ERG: variants seen among roughly 807,000 people sequenced by gnomAD.
ERG encodes ETS transcription factor ERG, also known as transcriptional regulator ERG.
A neutral mutation model predicts 55.3 loss-of-function variants in ERG; 9 were observed. The observed-to-expected ratio is 0.16, with a 90% confidence interval of 0.10 to 0.28. The LOEUF is 0.28. ERG is among the 10% of genes least tolerant of loss of function. The pLI is 1.00. For missense variants in ERG, 434 were observed against 631.6 expected, an observed-to-expected ratio of 0.69 and a Z score of 3.35; for synonymous variants, 223 against 237.3, an observed-to-expected ratio of 0.94 and a Z score of 0.55.
rs975923568 is a variant in ERG, at chr21:38,382,343, G to T, written c.*1060C>A. On this transcript the variant is annotated 3_prime_UTR_variant, in exon 10 of 10. Transcript: ENST00000288319. ...CAAAATGCCTGCGTGATTTCTGATT[G>T]TGGCAGCCAAGAAGGCCATCTCTTA... The T allele has an allele frequency of 3.8e-6, 4 of 1,058,692 alleles. No homozygotes were observed. The highest frequency in any genetic ancestry group is 5.4e-5 in the Admixed American group (1 of 18,478). The allele number at this position is 1,058,692 out of a possible 1,614,324, so 65.6% of individuals were successfully genotyped here.
At chr21:38,546,385 A>G (rs996455261) in intron 2 of ERG, among the ~76,000 whole-genome samples, 5 of 152,136 alleles carry the variant, frequency 3.3e-5, no homozygotes, top group Non-Finnish European at 7.4e-5. Flanking sequence ...GTGCCACTCT[A>G]GCACGCCCAC....
intron 2 of ERG, among the ~76,000 whole-genome samples, chr21:38,553,015 C>G (rs1282845850): frequency 6.7e-6 from 1 of 150,062 alleles, no homozygotes; most frequent in African/African-American, 2.4e-5. Flanking sequence ...AATCAATGTA[C>G]AAAAATCAGT....
intron 2 of ERG, among the ~76,000 whole-genome samples, chr21:38,429,206 T>C (rs1989989015): frequency 6.6e-6 from 1 of 152,012 alleles, no homozygotes; most frequent in South Asian, 2.1e-4. Context: ...TTGCTGCAAA[T>C]GCCATTTTCT....
At chr21:38,429,487 G>A (rs28883390) in intron 2 of ERG, among the ~76,000 whole-genome samples, 21,844 of 24,320 alleles carry the variant, frequency 0.9, 9,951 homozygotes, top group East Asian at 0.96. Flanking sequence ...ATACATGTAT[G>A]CACATGTACA....
chr21:38,422,251 T>C (rs1989581444), intron 3 of ERG, among the ~76,000 whole-genome samples: 1 of 152,220 alleles, frequency 6.6e-6, no homozygotes, highest in Non-Finnish European at 1.5e-5. Context: ...TGACGCCAAA[T>C]TCAAATCCCT....
intron 2 of ERG, among the ~76,000 whole-genome samples, chr21:38,544,406 G>A (rs571802663): frequency 1.3e-5 from 2 of 152,292 alleles, no homozygotes; most frequent in East Asian, 3.9e-4. Context: ...AATTAGGAAA[G>A]CAGAGTCATG....
At chr21:38,461,753 G>C (rs1326151604) in intron 1 of ERG, among the ~76,000 whole-genome samples, 1 of 152,184 alleles carries the variant, frequency 6.6e-6, no homozygotes, top group East Asian at 1.9e-4. Context: ...GGAAAATAGA[G>C]TTACTTTTCA....
At chr21:38,590,207 T>C (rs933345824) in intron 1 of ERG, among the ~76,000 whole-genome samples, 9 of 151,978 alleles carry the variant, frequency 5.9e-5, no homozygotes, top group African/African-American at 2.2e-4. Context: ...TGATGAGAGG[T>C]TATACTTTAA....
chr21:38,419,275 G>A (rs1395816771), intron 3 of ERG, among the ~76,000 whole-genome samples: 2 of 152,240 alleles, frequency 1.3e-5, no homozygotes, highest in African/African-American at 2.4e-5. Context: ...CAGAATGCCT[G>A]GTGGCGCTAC....
At position 38,380,880 on chromosome 21, in the gene ERG, AT is replaced by A. The variant is rs1987400205; in HGVS notation, c.*2522del. The stretch of plus-strand genomic sequence containing the variant: ...GAGAACTGAGTGATTATCCAAGTAA[AT>A]GTGTATTTCTATGAAGAATGTAGGT... On this transcript the variant is annotated 3_prime_UTR_variant, in exon 10 of 10. Transcript: ENST00000288319. 1 of 1,065,196 alleles carries A rather than the reference AT, an allele frequency of 9.4e-7. No individual in the cohort carries two copies. Among genetic ancestry groups the A allele is most frequent in the African/African-American group, 1.6e-5 (1 of 61,192 alleles). 66.0% of individuals were successfully genotyped at this position (1,065,196 alleles called of 1,614,324 possible).
At chr21:38,403,835 C>G in intron 3 of ERG, 126 bp from the exon 4 acceptor site, 1 of 821,108 alleles carries the variant, frequency 1.2e-6, no homozygotes, top group Non-Finnish European at 2.0e-6. Context: ...AGCCAGCCTC[C>G]CTGGCTACCC....
chr21:38,468,713 C>T (rs929815813), intron 1 of ERG, among the ~76,000 whole-genome samples: 11 of 152,086 alleles, frequency 7.2e-5, no homozygotes, highest in Admixed American at 6.5e-4. Flanking sequence ...CTGCCGGGTG[C>T]GGTGGCTCAC....
chr21:38,524,197 T>C (rs569458386), intron 2 of ERG, among the ~76,000 whole-genome samples: 1 of 152,326 alleles, frequency 6.6e-6, no homozygotes, highest in South Asian at 2.1e-4. Flanking sequence ...GGGTATGGAA[T>C]GCACTATTTG....
intron 6 of ERG, chr21:38,400,303 G>A (rs1165170443): frequency 3.5e-6 from 2 of 564,824 alleles, no homozygotes; most frequent in Non-Finnish European, 6.7e-6. Context: ...ATTCCTAACT[G>A]CCAGGCATCC....
rs1190023810 is a variant in ERG, at chr21:38,418,949, A to T, written c.388+4461T>A. On this transcript the variant is annotated intron_variant, in intron 3 of 9. Coordinates refer to ENST00000288319, the MANE Select transcript of ERG (RefSeq NM_182918.4). ...TCTCAAAAAAAAAAAAAAAAAAAAAAAGAAAGAAAGAAAAAGAAAAACACT... is the reference window on the plus strand; with the variant it reads ...TCTCAAAAAAAAAAAAAAAAAAAAATAGAAAGAAAGAAAAAGAAAAACACT... Among the ~76,000 whole-genome samples the T allele has an allele frequency of 1.3e-4, 17 of 131,210 alleles. No individual in the cohort carries two copies. In the South Asian group the frequency reaches 4.1e-3, roughly 32 times the overall value. 86.1% of individuals were successfully genotyped at this position (131,210 alleles called of 152,430 possible). A position where few individuals can be genotyped will look rare whatever the true frequency, so the allele number is the denominator to read the frequency against.
intron 6 of ERG, among the ~76,000 whole-genome samples, chr21:38,397,596 C>CAAAAAA (rs61047146): frequency 6.6e-4 from 44 of 67,078 alleles, no homozygotes; most frequent in African/African-American, 1.1e-3. Context: ...GACTCCATCT[C>CAAAAAA]AAAAAAAAAA....
intron 2 of ERG, among the ~76,000 whole-genome samples, chr21:38,559,775 G>A (rs572924187): frequency 7.4e-4 from 113 of 152,174 alleles, no homozygotes; most frequent in African/African-American, 2.6e-3. Flanking sequence ...CCTGCCTCCC[G>A]GGTTCAAGTG....
intron 1 of ERG, among the ~76,000 whole-genome samples, chr21:38,610,332 A>T (rs2060218560): frequency 6.6e-6 from 1 of 152,352 alleles, no homozygotes; most frequent in African/African-American, 2.4e-5. Flanking sequence ...GATGAAACAC[A>T]TCTTCAAGGT....
At chr21:38,451,625 C>T (rs911973972) in intron 1 of ERG, among the ~76,000 whole-genome samples, 1 of 152,174 alleles carries the variant, frequency 6.6e-6, no homozygotes, top group African/African-American at 2.4e-5. Flanking sequence ...CAAGGCAGCA[C>T]ATATGCAGTA....
Sources: allele counts gnomAD v4.1 joint callset (sites outside exome capture counted in the v4.1 genomes callset), GRCh38; gene constraint gnomAD v4.1.1; transcripts MANE v1.5; gene names NCBI Gene and HGNC (gene_info 2026-07-23, HGNC 2026-07-21).